SSBP2: variants seen among roughly 807,000 people sequenced by gnomAD.
SSBP2 encodes the protein single stranded DNA binding protein 2, also known as single-stranded DNA-binding protein 2.
SSBP2 carries 17 observed loss-of-function variants against 61.8 expected under a neutral mutation model. That is an observed-to-expected ratio of 0.28 (90% CI 0.19 to 0.41). The LOEUF (loss-of-function observed/expected upper bound fraction) is 0.41, where lower values mean the gene tolerates loss of function less well. Among genes scored for constraint, SSBP2 ranks in the 10% least tolerant of loss-of-function variants. The pLI is 1.00. For missense variants in SSBP2, 310 were observed against 458.7 expected (o/e 0.68, Z 2.96); for synonymous variants, 139 against 141.3 (o/e 0.98, Z 0.12).
At chr5:81,681,260 C>G (rs943349131) in intron 1 of SSBP2, among the ~76,000 whole-genome samples, 2 of 152,056 alleles carry the variant, frequency 1.3e-5, no homozygotes, top group Admixed American at 1.3e-4. Context: ...TGGCTCATGC[C>G]TGTAATCCCA....
Position 81,440,207 on chromosome 5 carries a change from CAAT to C in SSBP2, c.928+348_928+350del, listed in dbSNP as rs913030594. ...TCTAGAGACAAAACAACAACAACAACAATAACAACAACAACAAACAGCTGCAAG... is the reference window on the plus strand; with the variant it reads ...TCTAGAGACAAAACAACAACAACAACAACAACAACAACAAACAGCTGCAAG... On this transcript the variant is annotated intron_variant, in intron 14 of 16. Transcript: ENST00000320672. Among the ~76,000 whole-genome samples, 12 of 144,490 alleles carry C rather than the reference CAAT, an allele frequency of 8.3e-5. No individual in the cohort carries two copies. The South Asian group carries it at 1.0e-3, about 13-fold the overall frequency. The allele number at this position is 144,490 out of a possible 152,430, so 94.8% of individuals were successfully genotyped here.
chr5:81,704,355 T>C (rs73768105), intron 1 of SSBP2, among the ~76,000 whole-genome samples: 3,666 of 152,300 alleles, frequency 0.024, 157 homozygotes, highest in African/African-American at 0.083. Context: ...ACTACCAACA[T>C]CTGTTCAGTT....
intron 5 of SSBP2, among the ~76,000 whole-genome samples, chr5:81,505,596 T>C (rs1374138411): frequency 2.0e-5 from 3 of 152,168 alleles, no homozygotes; most frequent in Non-Finnish European, 2.9e-5. Flanking sequence ...TATAAATTTT[T>C]TTTATCAAGA....
chr5:81,684,926 T>A (rs1752662225), intron 1 of SSBP2, among the ~76,000 whole-genome samples: 1 of 152,070 alleles, frequency 6.6e-6, no homozygotes, highest in African/African-American at 2.4e-5. Flanking sequence ...ATGATATGGT[T>A]TGGATTTGTG....
chr5:81,483,311 A>C lies in SSBP2; in HGVS notation c.432+5939T>G, dbSNP rs184710822. Among the ~76,000 whole-genome samples, 4 of 152,294 alleles carry C rather than the reference A, an allele frequency of 2.6e-5. No homozygotes were observed. The East Asian group carries it at 7.7e-4, about 29-fold the overall frequency. On this transcript the variant is annotated intron_variant, in intron 6 of 16. Transcript: ENST00000320672. ...CATAAAACTTTAATTTGTAAAAAAC[A>C]TATCTGTGAAGCATAGTAAAATGAG...
intron 1 of SSBP2, among the ~76,000 whole-genome samples, chr5:81,718,035 T>C (rs1755286159): frequency 6.6e-6 from 1 of 152,186 alleles, no homozygotes; most frequent in Non-Finnish European, 1.5e-5. Flanking sequence ...TGTACCGCCC[T>C]TAGGATGCTA....
Position 81,448,843 on chromosome 5 carries a change from CA to C in SSBP2, c.688-19del, listed in dbSNP as rs766025775. 4 of 1,606,400 alleles carry C rather than the reference CA, an allele frequency of 2.5e-6. No individual in the cohort carries two copies. Among genetic ancestry groups the C allele is most frequent in the Admixed American group, 3.4e-5 (2 of 58,266 alleles). ...TATGGTATCTGGAACACGAATAGGA[CA>C]AAAAAATTTTTGATTCATGTAGCAA... On this transcript the variant is annotated intron_variant, in intron 10 of 16. Coordinates refer to ENST00000320672, the MANE Select transcript of SSBP2 (RefSeq NM_012446.5).
At chr5:81,503,384 G>T (rs13159596) in intron 5 of SSBP2, among the ~76,000 whole-genome samples, 2 of 152,108 alleles carry the variant, frequency 1.3e-5, no homozygotes, top group East Asian at 1.9e-4. Flanking sequence ...AACCCGGGAG[G>T]GGGAGGTTGC....
chr5:81,625,891 T>A (rs936796731), intron 3 of SSBP2, among the ~76,000 whole-genome samples: 1 of 152,148 alleles, frequency 6.6e-6, no homozygotes, highest in Non-Finnish European at 1.5e-5. Flanking sequence ...ACAACAAAAA[T>A]TTTTTAAAAG....
chr5:81,635,996 G>A (rs757689426), intron 3 of SSBP2, among the ~76,000 whole-genome samples: 29 of 152,140 alleles, frequency 1.9e-4, no homozygotes, highest in Non-Finnish European at 4.0e-4. Context: ...TGATTTGAGG[G>A]GGTGGGCATT....
At chr5:81,448,670 C>G (rs1194550229) in intron 11 of SSBP2, 120 bp downstream of exon 11, 4 of 946,948 alleles carry the variant, frequency 4.2e-6, no homozygotes, top group East Asian at 2.6e-5. Context: ...TGAAACAACT[C>G]AAGATGTTCA....
At chr5:81,731,440 AAT>A (rs1468957053) in intron 1 of SSBP2, among the ~76,000 whole-genome samples, 2 of 152,180 alleles carry the variant, frequency 1.3e-5, no homozygotes, top group East Asian at 3.8e-4. Flanking sequence ...CCTATGGAAA[AAT>A]ATCTTTACTT....
At position 81,747,034 on chromosome 5, in the gene SSBP2, GA is replaced by G. The variant is rs397998395; in HGVS notation, c.62+3946del. On this transcript the variant is annotated intron_variant, in intron 1 of 16. Transcript: ENST00000320672. ...CAAACAAAATTCCTGGGGGGGGGGG[GA>G]ATCTGAAGAAACAAGTTTTCGTCAT... 5.1e-4 allele frequency among the ~76,000 whole-genome samples: 57 copies of G among 112,356 alleles called. 1 individual carries two copies. The highest frequency in any genetic ancestry group is 9.2e-4 in the Non-Finnish European group (48 of 52,056). The allele number at this position is 112,356 out of a possible 152,430, so 73.7% of individuals were successfully genotyped here. A position where few individuals can be genotyped will look rare whatever the true frequency, so the allele number is the denominator to read the frequency against.
rs34376110 is a variant in SSBP2, at chr5:81,704,795, C to CAAAA, written c.62+46182_62+46185dup. Among the ~76,000 whole-genome samples, 203 of 51,984 alleles carry CAAAA rather than the reference C, an allele frequency of 3.9e-3. 14 individuals are homozygous for CAAAA. Among genetic ancestry groups the CAAAA allele is most frequent in the African/African-American group, 0.015 (193 of 13,084 alleles). The allele number at this position is 51,984 out of a possible 152,430, so 34.1% of individuals were successfully genotyped here. A position where few individuals can be genotyped will look rare whatever the true frequency, so the allele number is the denominator to read the frequency against. ...TGGGTGACGGGGAATGATTCCATCT[C>CAAAA]AAAAAAAAAAAAAAAAAAAAAAAAA... On this transcript the variant is annotated intron_variant, in intron 1 of 16. Transcript: ENST00000320672.
rs116768245 is a variant in SSBP2 at position 81,479,622 on chromosome 5, G to T, written c.433-5060C>A. 9.3e-3 allele frequency among the ~76,000 whole-genome samples: 1,408 copies of T among 151,990 alleles called. 30 individuals are homozygous for T. The highest frequency in any genetic ancestry group is 0.032 in the African/African-American group (1,345 of 41,450). ...TGTTTTACAAAAGATCTACACACTG[G>T]CAGAAAAAAATAACACTAATGAGGA... On this transcript the variant is annotated intron_variant, in intron 6 of 16. Coordinates refer to ENST00000320672, the MANE Select transcript of SSBP2 (RefSeq NM_012446.5).
chr5:81,748,415 G>A (rs1757493597), intron 1 of SSBP2, among the ~76,000 whole-genome samples: 1 of 152,056 alleles, frequency 6.6e-6, no homozygotes, highest in South Asian at 2.1e-4. Context: ...TCAGATGTTA[G>A]TACATTGTTG....
At chr5:81,537,920 T>A (rs1770939242) in intron 4 of SSBP2, among the ~76,000 whole-genome samples, 1 of 152,102 alleles carries the variant, frequency 6.6e-6, no homozygotes, top group Non-Finnish European at 1.5e-5. Context: ...CACTCTCCCA[T>A]TTTAAAACAA....
intron 4 of SSBP2, among the ~76,000 whole-genome samples, chr5:81,549,231 A>G (rs1356580011): frequency 6.6e-6 from 1 of 152,188 alleles, no homozygotes; most frequent in Non-Finnish European, 1.5e-5. Flanking sequence ...GTACCATTAA[A>G]ATAAGGAGCA....
chr5:81,483,791 ACTTTT>A lies in SSBP2; in HGVS notation c.432+5454_432+5458del, dbSNP rs1342182317. Among the ~76,000 whole-genome samples, 9 of 151,910 alleles carry A rather than the reference ACTTTT, an allele frequency of 5.9e-5. No individual in the cohort carries two copies. In the South Asian group the frequency reaches 1.7e-3, roughly 28 times the overall value. ...CACACACACACACACACACATTTAT[ACTTTT>A]CTTTTTTCTATATTTCAACAACTGC... On this transcript the variant is annotated intron_variant, in intron 6 of 16. Transcript: ENST00000320672.
Sources: gnomAD v4.1 joint callset for allele counts (sites outside exome capture counted in the v4.1 genomes callset) on GRCh38, gnomAD v4.1.1 for gene constraint, MANE v1.5 for transcripts, NCBI Gene and HGNC (gene_info 2026-07-23, HGNC 2026-07-21) for gene names.